Variants in TMTC1 observed in about 807,000 individuals in gnomAD.
The protein encoded by TMTC1 is transmembrane O-mannosyltransferase targeting cadherins 1.
TMTC1 carries 73 observed loss-of-function variants against 104.8 expected under a neutral mutation model. The ratio of observed to expected loss-of-function variants is 0.70; its 90% confidence interval spans 0.58 to 0.85. TMTC1 has a LOEUF of 0.85. TMTC1 is among the 40% of genes least tolerant of loss of function. The pLI, the probability that TMTC1 is intolerant of heterozygous loss-of-function variation, is 0.00. For synonymous variants in TMTC1, 434 were observed against 428.7 expected, an observed-to-expected ratio of 1.01 and a Z score of -0.15; for missense variants, 1,035 against 1,096.1, an observed-to-expected ratio of 0.94 and a Z score of 0.79.
intron 10 of TMTC1, among the ~76,000 whole-genome samples, chr12:29,539,672 A>G (rs1944741688): frequency 6.6e-6 from 1 of 152,228 alleles, no homozygotes; most frequent in Admixed American, 6.5e-5. Context: ...TACCTTACAA[A>G]TCACTGCGTG....
At chr12:29,711,307 G>C (rs964365292) in intron 5 of TMTC1, among the ~76,000 whole-genome samples, 31 of 152,056 alleles carry the variant, frequency 2.0e-4, no homozygotes, top group Admixed American at 1.3e-4. Flanking sequence ...AGGTAAGAAA[G>C]AAAATGTATT....
intron 5 of TMTC1, among the ~76,000 whole-genome samples, chr12:29,672,540 G>A: frequency 6.6e-6 from 1 of 151,914 alleles, no homozygotes; most frequent in African/African-American, 2.4e-5. Context: ...TCCAGATCCA[G>A]GCAGCTTCAA....
At chr12:29,585,284 G>A (rs1362482490) in intron 7 of TMTC1, among the ~76,000 whole-genome samples, 1 of 152,146 alleles carries the variant, frequency 6.6e-6, no homozygotes. Context: ...TTTTGATGGG[G>A]TTGTTTGTTT....
rs1238326779 is a variant in TMTC1, at chr12:29,506,691, T to C, written c.*155A>G. ...CATGGAAAAGCAAGTCCTTCAGCACTGGGCTACCAGCAGATGTCCCAAAAT... is the reference window on the plus strand; with the variant it reads ...CATGGAAAAGCAAGTCCTTCAGCACCGGGCTACCAGCAGATGTCCCAAAAT... On this transcript the variant is annotated 3_prime_UTR_variant, in exon 18 of 18. Coordinates refer to ENST00000539277, the MANE Select transcript of TMTC1 (RefSeq NM_001193451.2). 3.3e-6 allele frequency: 3 copies of C among 897,806 alleles called. No homozygotes were observed. The highest frequency in any genetic ancestry group is 2.4e-5 in the Admixed American group (1 of 42,344). The allele number at this position is 897,806 out of a possible 1,614,324, so 55.6% of individuals were successfully genotyped here.
chr12:29,731,793 T>C (rs377041912), intron 5 of TMTC1, among the ~76,000 whole-genome samples: 7 of 152,320 alleles, frequency 4.6e-5, no homozygotes, highest in Middle Eastern at 3.4e-3. Flanking sequence ...AAAAGATTTT[T>C]GGCAGCAACT....
Position 29,783,589 on chromosome 12 carries a change from A to G in TMTC1, c.163T>C (p.Trp55Arg), listed in dbSNP as rs955265280. 1.4e-6 allele frequency: 2 copies of G among 1,480,960 alleles called. No individual in the cohort carries two copies. The highest frequency in any genetic ancestry group is 2.9e-5 in the African/African-American group (2 of 69,388). The allele number at this position is 1,480,960 out of a possible 1,614,324, so 91.7% of individuals were successfully genotyped here. Reference protein sequence around the residue: ...LQGEFVHDDVWAIVNNPDVRP... With the variant: ...LQGEFVHDDVRAIVNNPDVRP... ...ACGTCGGGGTTGTTCACGATCGCCC[A>G]CACGTCGTCGTGCACGAACTCGCCC... is the stretch of plus-strand genomic sequence containing the variant. Residue 55 changes from tryptophan to arginine, a missense_variant, in exon 1 of 18, where the codon TGG becomes CGG. Physicochemically the swap from Trp to Arg is moderately radical, Grantham distance 101. Coordinates refer to ENST00000539277, the MANE Select transcript of TMTC1 (RefSeq NM_001193451.2). This position sits in a 1 kb window ranked among gnomAD's most constrained non-coding sequence, Gnocchi z 4.7.
chr12:29,682,971 G>A lies in TMTC1; in HGVS notation c.939-49635C>T, dbSNP rs1940970495. 2.6e-5 allele frequency among the ~76,000 whole-genome samples: 4 copies of A among 152,074 alleles called. No individual in the cohort carries two copies. In the South Asian group the frequency reaches 8.3e-4, roughly 32 times the overall value. Reference sequence around the variant, plus strand: ...TAACCATTGGAAGCAACTGAACAAAGGGGATAGAGAATCTCTCTCTACTAT... The same window carrying A: ...TAACCATTGGAAGCAACTGAACAAAAGGGATAGAGAATCTCTCTCTACTAT... On this transcript the variant is annotated intron_variant, in intron 5 of 17. Coordinates refer to ENST00000539277, the MANE Select transcript of TMTC1 (RefSeq NM_001193451.2).
chr12:29,654,887 G>T (rs117821052), intron 5 of TMTC1, among the ~76,000 whole-genome samples: 6,820 of 152,118 alleles, frequency 0.045, 189 homozygotes, highest in Admixed American at 0.068. Context: ...TCTGTTTTTT[G>T]TTGTTGTTGT....
chr12:29,609,391 T>C (rs977618934), intron 6 of TMTC1, among the ~76,000 whole-genome samples: 1 of 152,156 alleles, frequency 6.6e-6, no homozygotes, highest in South Asian at 2.1e-4. Context: ...TTTATATCTG[T>C]TTTTGGGTCT....
Position 29,783,451 on chromosome 12 carries a change from T to G in TMTC1, c.301A>C (p.Lys101Gln). 7.6e-7 allele frequency: 1 copy of G among 1,317,788 alleles called. No homozygotes were observed. 81.6% of individuals were successfully genotyped at this position (1,317,788 alleles called of 1,614,324 possible). ...GCTAGCGCGAGGTGAGGGACTCACT[T>G]GAAGGTGAGGACGCAGAGCGGCCGG... ...SYRPLCVLTFKLNIFLTGMNP... is the reference protein window; with the variant it reads ...SYRPLCVLTFQLNIFLTGMNP... The change falls in exon 1 of 18, where the codon AAG becomes CAG. Residue 101 changes from lysine to glutamine, a missense_variant and splice_region_variant. Lys to Gln is a moderately conservative substitution (Grantham distance 53). Transcript: ENST00000539277. The surrounding 1 kb of genome is among the most constrained non-coding windows in gnomAD (Gnocchi z 4.7).
intron 5 of TMTC1, among the ~76,000 whole-genome samples, chr12:29,683,189 C>T (rs528406423): frequency 2.5e-4 from 38 of 152,252 alleles, no homozygotes; most frequent in African/African-American, 6.5e-4. Flanking sequence ...TTACCCTTGT[C>T]GGCAAATGAA....
At chr12:29,576,586 C>T (rs1158680404) in intron 8 of TMTC1, among the ~76,000 whole-genome samples, 1 of 151,960 alleles carries the variant, frequency 6.6e-6, no homozygotes, top group Admixed American at 6.6e-5. Context: ...TGAAATTGAA[C>T]ACAGAGAAAA....
Position 29,502,446 on chromosome 12 carries a change from T to C in TMTC1, c.*4400A>G, listed in dbSNP as rs962930815. On this transcript the variant is annotated 3_prime_UTR_variant, in exon 18 of 18. Coordinates refer to ENST00000539277, the MANE Select transcript of TMTC1 (RefSeq NM_001193451.2). Reference sequence around the variant, plus strand: ...AGATGTAGGCATAAACTCTATACCATGGACACCTTCTATGAGTCACGAAAA... The same window carrying C: ...AGATGTAGGCATAAACTCTATACCACGGACACCTTCTATGAGTCACGAAAA... 6.6e-6 allele frequency: 1 copy of C among 151,942 alleles called. No homozygotes were observed. Among genetic ancestry groups the C allele is most frequent in the Non-Finnish European group, 1.5e-5 (1 of 67,982 alleles). The allele number at this position is 151,942 out of a possible 1,614,324, so 9.4% of individuals were successfully genotyped here.
At chr12:29,548,292 A>G (rs1944995291) in intron 10 of TMTC1, among the ~76,000 whole-genome samples, 1 of 152,218 alleles carries the variant, frequency 6.6e-6, no homozygotes. Flanking sequence ...TATGGAGCAA[A>G]TGAATCTTTC....
At chr12:29,537,285 C>A (rs1158330750) in intron 10 of TMTC1, among the ~76,000 whole-genome samples, 1 of 152,166 alleles carries the variant, frequency 6.6e-6, no homozygotes, top group Non-Finnish European at 1.5e-5. Context: ...TTACTATGCA[C>A]TGATTTAGCA....
chr12:29,727,331 TG>T (rs1370323051), intron 5 of TMTC1, among the ~76,000 whole-genome samples: 2 of 152,188 alleles, frequency 1.3e-5, no homozygotes, highest in African/African-American at 4.8e-5. Flanking sequence ...TGTGGGAACT[TG>T]GGGGACCAAA....
intron 5 of TMTC1, among the ~76,000 whole-genome samples, chr12:29,725,319 G>A (rs1282271683): frequency 6.6e-6 from 1 of 151,328 alleles, no homozygotes; most frequent in Non-Finnish European, 1.5e-5. Context: ...GAGCCACCAC[G>A]CCTGGCCTGC....
chr12:29,635,288 G>C (rs1325377159), intron 5 of TMTC1, among the ~76,000 whole-genome samples: 4 of 151,988 alleles, frequency 2.6e-5, no homozygotes, highest in African/African-American at 4.8e-5. Context: ...GATCATTTTG[G>C]GCTCCTTTTT....
intron 5 of TMTC1, among the ~76,000 whole-genome samples, chr12:29,709,401 C>G (rs1457028013): frequency 6.6e-6 from 1 of 152,074 alleles, no homozygotes; most frequent in African/African-American, 2.4e-5. Context: ...AAAAAAGCTT[C>G]AGAGCAATAC....
Sources: gnomAD v4.1 joint callset for allele counts (sites outside exome capture counted in the v4.1 genomes callset) on GRCh38, gnomAD v4.1.1 for gene constraint, Gnocchi (gnomAD v3.1) non-coding constraint, MANE v1.5 for transcripts, NCBI Gene and HGNC (gene_info 2026-07-23, HGNC 2026-07-21) for gene names.